Variants in CACNA2D3 observed in about 807,000 individuals in gnomAD.
The protein encoded by CACNA2D3 is calcium voltage-gated channel auxiliary subunit alpha2delta 3.
Under a neutral mutation model 160.6 loss-of-function variants are expected in CACNA2D3, and 60 were observed. The ratio of observed to expected loss-of-function variants is 0.37; its 90% CI spans 0.30 to 0.46. The LOEUF (loss-of-function observed/expected upper bound fraction) is 0.46. Ranked by LOEUF, CACNA2D3 falls within the 20% of genes least tolerant of loss-of-function variation. The pLI is 1.00. For missense variants in CACNA2D3, 1,205 were observed against 1,365.0 expected, an observed-to-expected ratio of 0.88 and a Z score of 1.85; for synonymous variants, 558 against 492.9, an observed-to-expected ratio of 1.13 and a Z score of -1.75.
intron 35 of CACNA2D3, among the ~76,000 whole-genome samples, chr3:55,048,416 G>A (rs201761953): frequency 6.9e-4 from 72 of 103,874 alleles, no homozygotes; most frequent in African/African-American, 2.5e-3. Context: ...ATTGATTTGC[G>A]TATATTGAAC....
chr3:55,051,977 A>C (rs1285065163), intron 35 of CACNA2D3, among the ~76,000 whole-genome samples: 2 of 152,108 alleles, frequency 1.3e-5, no homozygotes, highest in Non-Finnish European at 2.9e-5. Context: ...TGCACGGTGC[A>C]CACACCCATG....
intron 4 of CACNA2D3, among the ~76,000 whole-genome samples, chr3:54,436,872 C>A (rs1405178766): frequency 4.6e-5 from 7 of 152,062 alleles, no homozygotes; most frequent in Admixed American, 4.6e-4. Flanking sequence ...ATGCAGCAAA[C>A]CACCATGGCA....
In CACNA2D3 at chr3:54,832,013, A is replaced by T. The variant is rs1217258896; in HGVS notation, c.1399-5146A>T. ...CCTCTTTATCTCTCTCTTCTCTGTCACACACACACACACACACACACACAC... is the reference window on the plus strand; with the variant it reads ...CCTCTTTATCTCTCTCTTCTCTGTCTCACACACACACACACACACACACAC... On this transcript the variant is annotated intron_variant, in intron 14 of 37. Transcript: ENST00000474759. Among the ~76,000 whole-genome samples, 165 of 43,650 alleles carry T rather than the reference A, an allele frequency of 3.8e-3. 4 individuals are homozygous for T. Among genetic ancestry groups the T allele is most frequent in the African/African-American group, 7.0e-3 (110 of 15,810 alleles). 28.6% of individuals were successfully genotyped at this position (43,650 alleles called of 152,430 possible).
chr3:54,622,441 A>G (rs1699009055), intron 9 of CACNA2D3, among the ~76,000 whole-genome samples: 1 of 152,046 alleles, frequency 6.6e-6, no homozygotes. Context: ...ACGTCTGGCT[A>G]ATTTTTTGTA....
intron 3 of CACNA2D3, among the ~76,000 whole-genome samples, chr3:54,363,735 C>G (rs1698783225): frequency 1.3e-5 from 2 of 152,146 alleles, no homozygotes; most frequent in Non-Finnish European, 2.9e-5. Context: ...GGCAGATCAC[C>G]AAAACCCACA....
At chr3:54,559,615 G>C (rs1702294417) in intron 5 of CACNA2D3, among the ~76,000 whole-genome samples, 1 of 152,096 alleles carries the variant, frequency 6.6e-6, no homozygotes, top group Non-Finnish European at 1.5e-5. Flanking sequence ...TTTAACTTCA[G>C]GGGTACATGT....
chr3:54,669,650 C>CTAG (rs1194553382), intron 11 of CACNA2D3, among the ~76,000 whole-genome samples: 1 of 152,018 alleles, frequency 6.6e-6, no homozygotes, highest in Non-Finnish European at 1.5e-5. Context: ...GCAAAGAGTG[C>CTAG]TAGACACTAA....
At chr3:54,218,389 A>G (rs1229942833) in intron 2 of CACNA2D3, among the ~76,000 whole-genome samples, 3 of 152,160 alleles carry the variant, frequency 2.0e-5, no homozygotes, top group African/African-American at 7.2e-5. Context: ...GTTTTCTCAG[A>G]CAAGCCTGAA....
intron 2 of CACNA2D3, among the ~76,000 whole-genome samples, chr3:54,259,812 G>A (rs991446038): frequency 1.3e-5 from 2 of 152,224 alleles, no homozygotes; most frequent in Non-Finnish European, 2.9e-5. Context: ...GCAAAATAGG[G>A]ATTTCTGAGA....
chr3:54,389,425 G>C (rs1261153674), intron 4 of CACNA2D3, among the ~76,000 whole-genome samples: 1 of 152,102 alleles, frequency 6.6e-6, no homozygotes, highest in Non-Finnish European at 1.5e-5. Context: ...AAAATTAGTT[G>C]GCAAAAGTTT....
At chr3:54,963,340 T>A (rs568329818) in intron 27 of CACNA2D3, among the ~76,000 whole-genome samples, 14 of 152,220 alleles carry the variant, frequency 9.2e-5, no homozygotes, top group Middle Eastern at 3.4e-3. Context: ...AGGGTCCATT[T>A]CTTTTCTATG....
intron 4 of CACNA2D3, among the ~76,000 whole-genome samples, chr3:54,467,854 A>C (rs770649799): frequency 2.6e-5 from 4 of 152,220 alleles, no homozygotes; most frequent in Non-Finnish European, 5.9e-5. Flanking sequence ...TATATTTCAA[A>C]GTAGCTGGAA....
chr3:54,819,057 CCCA>C, intron 14 of CACNA2D3, among the ~76,000 whole-genome samples: 2 of 149,494 alleles, frequency 1.3e-5, no homozygotes, highest in Non-Finnish European at 3.0e-5. Flanking sequence ...AACTCCCCTT[CCCA>C]TCCCTTCCCC....
intron 2 of CACNA2D3, among the ~76,000 whole-genome samples, chr3:54,227,797 C>T (rs567947573): frequency 6.6e-6 from 1 of 152,268 alleles, no homozygotes; most frequent in African/African-American, 2.4e-5. Flanking sequence ...GATCCACCCT[C>T]CTCGGCCTCC....
chr3:54,229,634 C>G (rs75543363), intron 2 of CACNA2D3, among the ~76,000 whole-genome samples: 5,528 of 152,272 alleles, frequency 0.036, 138 homozygotes, highest in Middle Eastern at 0.058. Context: ...CATGCCCGGC[C>G]TAAAGTTTCT....
intron 3 of CACNA2D3, among the ~76,000 whole-genome samples, chr3:54,361,087 A>G (rs946031449): frequency 3.0e-4 from 46 of 152,222 alleles, no homozygotes; most frequent in Middle Eastern, 3.4e-3. Flanking sequence ...GCTGCACACA[A>G]AACATAAAAA....
intron 11 of CACNA2D3, among the ~76,000 whole-genome samples, chr3:54,670,271 C>T (rs957888770): frequency 2.0e-5 from 3 of 152,130 alleles, no homozygotes; most frequent in African/African-American, 4.8e-5. Context: ...CAGGCTGTGT[C>T]GGCACAAGCT....
chr3:54,471,611 G>T (rs1269274103), intron 4 of CACNA2D3, among the ~76,000 whole-genome samples: 1 of 152,078 alleles, frequency 6.6e-6, no homozygotes, highest in Non-Finnish European at 1.5e-5. Flanking sequence ...GTGAATCCAG[G>T]AGCTGTTTTT....
At chr3:54,281,580 G>A (rs749453891) in intron 2 of CACNA2D3, among the ~76,000 whole-genome samples, 1 of 152,160 alleles carries the variant, frequency 6.6e-6, no homozygotes, top group African/African-American at 2.4e-5. Context: ...GAACAGATGT[G>A]TGCCCACCAT....
Sources: gnomAD v4.1 joint callset for allele counts (sites outside exome capture counted in the v4.1 genomes callset) on GRCh38, gnomAD v4.1.1 for gene constraint, MANE v1.5 for transcripts, NCBI Gene and HGNC (gene_info 2026-07-23, HGNC 2026-07-21) for gene names.